Variants in PCDH7 observed in about 807,000 individuals in gnomAD.
PCDH7 encodes protocadherin-7.
In PCDH7, 17 loss-of-function variants were observed where a neutral mutation model predicts 58.9. The ratio of observed to expected loss-of-function variants is 0.29; its 90% CI spans 0.20 to 0.43. The LOEUF is 0.43. Among genes scored for constraint, PCDH7 ranks in the 20% least tolerant of loss-of-function variants. The probability of loss-of-function intolerance (pLI) is 1.00; values close to 1 mark genes in which losing one functional copy is unlikely to be tolerated. For synonymous variants in PCDH7, 664 were observed against 616.4 expected, an observed-to-expected ratio of 1.08 and a Z score of -1.14; for missense variants, 1,274 against 1,441.0, an observed-to-expected ratio of 0.88 and a Z score of 1.88.
chr4:30,999,667 A>G (rs1752195577), intron 3 of PCDH7, among the ~76,000 whole-genome samples: 1 of 152,154 alleles, frequency 6.6e-6, no homozygotes, highest in African/African-American at 2.4e-5. Context: ...TAAATTTAAA[A>G]TAGCAATGCA....
exon 4 of PCDH7, chr4:31,142,615 G>T (rs547316488): frequency 1.5e-6 from 2 of 1,367,766 alleles, no homozygotes; most frequent in Non-Finnish European, 2.0e-6. Flanking sequence ...CCACTTTCAT[G>T]CCTGTTGATG....
chr4:31,144,949 T>A (rs1262632104), downstream of PCDH7: 1 of 152,176 alleles, frequency 6.6e-6, no homozygotes, highest in Non-Finnish European at 1.5e-5. Context: ...TGTAAGTACC[T>A]ATTAAGACAA....
Position 30,722,956 on chromosome 4 carries a change from A to G in PCDH7, c.1534A>G (p.Ser512Gly). 2 of 1,613,508 alleles carry G rather than the reference A, an allele frequency of 1.2e-6. No individual in the cohort carries two copies. Among genetic ancestry groups the G allele is most frequent in the Non-Finnish European group, 8.5e-7 (1 of 1,180,024 alleles). ...GGTCATCGTGGCGGTGGACTCAGGC[A>G]GCCCCAGCCTCTCGAGCAACAACTC... Residue 512 changes from serine (S) to glycine (G), a missense_variant, in exon 1 of 2, where the codon AGC becomes GGC. Transcript: ENST00000361762. This position sits in a 1 kb window ranked among gnomAD's most constrained non-coding sequence, Gnocchi z 7.6.
At chr4:30,993,816 A>G (rs1353558639) in intron 3 of PCDH7, among the ~76,000 whole-genome samples, 1 of 152,112 alleles carries the variant, frequency 6.6e-6, no homozygotes, top group African/African-American at 2.4e-5. Flanking sequence ...TGTAAATTAT[A>G]TGAAGATTGT....
At chr4:30,731,647 C>T (rs1328561390) in exon 2 of PCDH7, 1 of 151,918 alleles carries the variant, frequency 6.6e-6, no homozygotes, top group Admixed American at 6.6e-5. Flanking sequence ...ATCAGAAGTC[C>T]ATATTTATTA....
At chr4:31,062,658 T>G (rs565857152) in intron 3 of PCDH7, among the ~76,000 whole-genome samples, 9 of 151,894 alleles carry the variant, frequency 5.9e-5, no homozygotes, top group African/African-American at 2.2e-4. Context: ...TCTGCATTCA[T>G]GATCCTCTCC....
intron 3 of PCDH7, among the ~76,000 whole-genome samples, chr4:31,059,266 C>A (rs1360496091): frequency 6.6e-6 from 1 of 151,886 alleles, no homozygotes; most frequent in Non-Finnish European, 1.5e-5. Flanking sequence ...TGCTTGATGA[C>A]AGCATCTGTA....
At chr4:30,746,845 C>T (rs1157991893) in intron 1 of PCDH7, among the ~76,000 whole-genome samples, 1 of 152,026 alleles carries the variant, frequency 6.6e-6, no homozygotes, top group Non-Finnish European at 1.5e-5. Context: ...TATTCCTCTC[C>T]TTTCTTTCTG....
In PCDH7 at chr4:31,055,551, A is replaced by G. The variant is rs141740307; in HGVS notation, c.*8-86922A>G. Among the ~76,000 whole-genome samples the G allele has an allele frequency of 3.4e-3, 519 of 152,214 alleles. 1 individual carries two copies. The highest frequency in any genetic ancestry group is 4.8e-3 in the Non-Finnish European group (329 of 68,014). ...ATACTAGGTCCTAGAGTTGAGCCTT[A>G]TAATATAAAGGCTTTGTTTTTTTAT... is the stretch of plus-strand genomic sequence containing the variant. On this transcript the variant is annotated intron_variant, in intron 3 of 3. Coordinates refer to the PCDH7 transcript ENST00000509759.
At chr4:30,986,519 G>C (rs979896732) in intron 3 of PCDH7, among the ~76,000 whole-genome samples, 1 of 151,916 alleles carries the variant, frequency 6.6e-6, no homozygotes, top group Non-Finnish European at 1.5e-5. Flanking sequence ...AAACCAGTCA[G>C]AGACGTGTAG....
chr4:30,793,846 A>G (rs1724443978), intron 1 of PCDH7: 2 of 152,224 alleles, frequency 1.3e-5, no homozygotes, highest in African/African-American at 4.8e-5. Context: ...AACATAGAAG[A>G]TAAGTATAAA....
intron 1 of PCDH7, among the ~76,000 whole-genome samples, chr4:30,784,398 C>A (rs952372027): frequency 6.6e-6 from 1 of 152,186 alleles, no homozygotes; most frequent in African/African-American, 2.4e-5. Flanking sequence ...ACAGCTTAAA[C>A]CACAAAAATA....
At chr4:31,013,600 C>CACAT (rs386399680) in intron 3 of PCDH7, among the ~76,000 whole-genome samples, 1 of 150,824 alleles carries the variant, frequency 6.6e-6, no homozygotes, top group African/African-American at 2.4e-5. Flanking sequence ...TATACACACA[C>CACAT]ACACACACAC....
chr4:30,926,338 C>A (rs1056439612), intron 2 of PCDH7, among the ~76,000 whole-genome samples: 1 of 152,018 alleles, frequency 6.6e-6, no homozygotes, highest in East Asian at 1.9e-4. Context: ...GCGCCCGCCA[C>A]CACACTCGGC....
chr4:30,981,121 C>T (rs192293259), intron 3 of PCDH7, among the ~76,000 whole-genome samples: 5 of 152,176 alleles, frequency 3.3e-5, no homozygotes, highest in Middle Eastern at 3.2e-3. Context: ...GGATTAAAGG[C>T]GTGAGGCACT....
chr4:30,735,275 C>T (rs1716092093), downstream of PCDH7, among the ~76,000 whole-genome samples: 1 of 152,120 alleles, frequency 6.6e-6, no homozygotes, highest in Admixed American at 6.5e-5. Context: ...AGATATTATT[C>T]CTTCGTTGTG....
At chr4:30,837,533 T>G (rs1730638140) in intron 1 of PCDH7, among the ~76,000 whole-genome samples, 1 of 150,442 alleles carries the variant, frequency 6.6e-6, no homozygotes, top group Admixed American at 6.6e-5. Context: ...GGAAGGAAAT[T>G]AAAAACAAAA....
At chr4:31,128,363 A>G (rs1718570363) in intron 3 of PCDH7, among the ~76,000 whole-genome samples, 1 of 152,028 alleles carries the variant, frequency 6.6e-6, no homozygotes, top group Non-Finnish European at 1.5e-5. Flanking sequence ...GGCAGATAAA[A>G]TTTGTCAAAC....
At chr4:30,804,700 C>T (rs1725965968) in intron 1 of PCDH7, among the ~76,000 whole-genome samples, 1 of 152,124 alleles carries the variant, frequency 6.6e-6, no homozygotes, top group African/African-American at 2.4e-5. Flanking sequence ...TCCCAGCCCC[C>T]AGAACTGTGA....
Sources: allele counts gnomAD v4.1 joint callset (sites outside exome capture counted in the v4.1 genomes callset), GRCh38; gene constraint gnomAD v4.1.1; non-coding constraint Gnocchi (gnomAD v3.1); transcripts MANE v1.5; gene names NCBI Gene and HGNC (gene_info 2026-07-23, HGNC 2026-07-21).